Variants in CENPI observed in about 807,000 individuals in gnomAD.
CENPI encodes the protein centromere protein I.
A neutral mutation model predicts 60.4 loss-of-function variants in CENPI; 4 were observed. The ratio of observed to expected loss-of-function variants is 0.07; its 90% CI spans 0.03 to 0.15. The LOEUF is 0.15. Among genes scored for constraint, CENPI ranks in the 10% least tolerant of loss-of-function variants. The pLI is 1.00. For missense variants in CENPI, 444 were observed against 534.5 expected (o/e 0.83, Z 1.67); for synonymous variants, 157 against 189.4 (o/e 0.83, Z 1.40).
chrX:101,122,660 G>A (rs769720432), intron 8 of CENPI, among the ~76,000 whole-genome samples: 34 of 110,807 alleles, frequency 3.1e-4, no homozygotes, highest in African/African-American at 8.5e-4. Flanking sequence ...GGCAGATCAC[G>A]AGGTCAGGAG....
chrX:101,100,579 C>G (rs1450131089), intron 2 of CENPI: 1 of 112,979 alleles, frequency 8.9e-6, no homozygotes. Flanking sequence ...CCATGCCCAA[C>G]TAGTTTTTGT....
chrX:101,123,564 A>G, intron 8 of CENPI, among the ~76,000 whole-genome samples: 1 of 110,929 alleles, frequency 9.0e-6, no homozygotes, highest in Non-Finnish European at 1.9e-5. Context: ...TTGGTCTTTT[A>G]TGATACTTTT....
intron 15 of CENPI, among the ~76,000 whole-genome samples, chrX:101,135,448 G>GT (rs1290647747): frequency 9.0e-6 from 1 of 111,554 alleles, no homozygotes; most frequent in African/African-American, 3.3e-5. Flanking sequence ...AGGAGAAAGG[G>GT]TTTTTTACAC....
chrX:101,177,616 T>C, the CENPI span, among the ~76,000 whole-genome samples: 2 of 112,176 alleles, frequency 1.8e-5, no homozygotes, highest in African/African-American at 6.5e-5. Context: ...CCTGCTACTA[T>C]AGAGGACAGG....
chrX:101,135,743 T>TG (rs2040052900), intron 15 of CENPI, among the ~76,000 whole-genome samples: 1 of 111,751 alleles, frequency 8.9e-6, no homozygotes, highest in Admixed American at 9.5e-5. Context: ...TTTTCTTAGA[T>TG]GGAGTCTCGC....
the CENPI span, among the ~76,000 whole-genome samples, chrX:101,174,072 A>G: frequency 8.9e-6 from 1 of 112,367 alleles, no homozygotes; most frequent in Non-Finnish European, 1.9e-5. Context: ...CAGAATGACT[A>G]TTATAAAAAA....
At chrX:101,131,112 A>C (rs1419540646) in intron 13 of CENPI, among the ~76,000 whole-genome samples, 1 of 110,671 alleles carries the variant, frequency 9.0e-6, no homozygotes, top group Non-Finnish European at 1.9e-5. Flanking sequence ...TGCTCAGTCT[A>C]GTTAGTAGCT....
intron 20 of CENPI, among the ~76,000 whole-genome samples, chrX:101,158,233 G>C (rs1357823733): frequency 9.7e-6 from 1 of 102,977 alleles, no homozygotes; most frequent in Non-Finnish European, 2.0e-5. Context: ...AGTTTAACAA[G>C]AATAGCATTG....
downstream of CENPI, among the ~76,000 whole-genome samples, chrX:101,170,091 A>G (rs898483016): frequency 1.8e-5 from 2 of 111,879 alleles, no homozygotes; most frequent in Non-Finnish European, 3.8e-5. Context: ...GTAATGTCCT[A>G]GGCCTTCACA....
the CENPI span, among the ~76,000 whole-genome samples, chrX:101,177,339 G>A: frequency 1.8e-5 from 2 of 111,680 alleles, no homozygotes; most frequent in South Asian, 7.5e-4. Flanking sequence ...AGCTGCAGGT[G>A]GGTACCTGCA....
At chrX:101,127,371 G>T in intron 10 of CENPI, 105 bp downstream of exon 10, 1 of 958,125 alleles carries the variant, frequency 1.0e-6, no homozygotes, top group Non-Finnish European at 1.4e-6. Context: ...GTATATGTCA[G>T]TTACCCAGGA....
chrX:101,124,680 TAGTG>T (rs1268421305), intron 8 of CENPI, among the ~76,000 whole-genome samples: 2 of 111,295 alleles, frequency 1.8e-5, no homozygotes, highest in African/African-American at 6.5e-5. Flanking sequence ...ATTCTTGTGA[TAGTG>T]AGTGAGTTCT....
At position 101,149,813 on chromosome X, in the gene CENPI, G is replaced by A. The variant is rs376996396; in HGVS notation, c.2094+1652G>A. ...TGAGCCACCGCGCCCGGCCAGTGGTGCTTTTTCAAAGTGTACATCCTTGGC... is the reference window on the plus strand; with the variant it reads ...TGAGCCACCGCGCCCGGCCAGTGGTACTTTTTCAAAGTGTACATCCTTGGC... On this transcript the variant is annotated intron_variant, in intron 20 of 21. Coordinates refer to ENST00000682095, the MANE Select transcript of CENPI (RefSeq NM_001386188.2). Among the ~76,000 whole-genome samples, 57 of 110,745 alleles carry A rather than the reference G, an allele frequency of 5.1e-4. 1 individual carries two copies. The highest frequency in any genetic ancestry group is 1.8e-3 in the African/African-American group (56 of 30,536).
intron 4 of CENPI, among the ~76,000 whole-genome samples, chrX:101,108,996 A>G (rs2089520122): frequency 9.1e-6 from 1 of 109,325 alleles, no homozygotes; most frequent in Non-Finnish European, 1.9e-5. Context: ...GTTTTGAACA[A>G]TTTATTAATA....
chrX:101,105,872 T>C (rs750253416), intron 4 of CENPI, among the ~76,000 whole-genome samples: 1 of 112,191 alleles, frequency 8.9e-6, no homozygotes, highest in South Asian at 3.7e-4. Flanking sequence ...TGGCTTTCTA[T>C]TGTTACTTTT....
intron 18 of CENPI, among the ~76,000 whole-genome samples, chrX:101,146,704 A>G (rs2089964464): frequency 9.0e-6 from 1 of 111,371 alleles, no homozygotes. Flanking sequence ...TAATTCTTTC[A>G]CTTGTGGACT....
At chrX:101,159,440 G>T (rs1235849635) in intron 20 of CENPI, among the ~76,000 whole-genome samples, 2 of 110,185 alleles carry the variant, frequency 1.8e-5, no homozygotes, top group Non-Finnish European at 3.8e-5. Context: ...GGGATTACAG[G>T]TGTGAGCCAC....
chrX:101,141,826 A>G (rs187733850), intron 16 of CENPI, among the ~76,000 whole-genome samples: 4 of 110,646 alleles, frequency 3.6e-5, no homozygotes, highest in Non-Finnish European at 7.6e-5. Flanking sequence ...TCGACCTCCC[A>G]GGCTCAAGCA....
chrX:101,160,911 C>G (rs749580309), intron 20 of CENPI, among the ~76,000 whole-genome samples: 13 of 111,386 alleles, frequency 1.2e-4, no homozygotes, highest in African/African-American at 3.9e-4. Context: ...GGTACATAAC[C>G]AACATTCTAT....
Sources: gnomAD v4.1 joint callset for allele counts (sites outside exome capture counted in the v4.1 genomes callset) on GRCh38, gnomAD v4.1.1 for gene constraint, MANE v1.5 for transcripts, NCBI Gene and HGNC (gene_info 2026-07-23, HGNC 2026-07-21) for gene names.